PEX1: variants seen among roughly 807,000 people sequenced by gnomAD.
PEX1 encodes peroxisomal ATPase PEX1.
Under a neutral mutation model 152.5 loss-of-function variants are expected in PEX1, and 97 were observed. That is an observed-to-expected ratio of 0.64 (90% CI 0.54 to 0.75). The LOEUF is 0.75. Ranked by LOEUF, PEX1 falls within the 30% of genes least tolerant of loss-of-function variation. The pLI is 0.00. For missense variants in PEX1, 1,357 were observed against 1,516.3 expected (o/e 0.89, Z 1.74); for synonymous variants, 485 against 531.6 (o/e 0.91, Z 1.21).
chr7:92,515,075 A>C (rs558458970), intron 5 of PEX1, among the ~76,000 whole-genome samples: 373 of 1,108 alleles, frequency 0.34, 9 homozygotes, highest in Non-Finnish European at 0.36. Context: ...ATCTATATAT[A>C]TATATATATA....
intron 9 of PEX1, 43 bp downstream of exon 9, chr7:92,509,286 T>C (rs1412487703): frequency 1.5e-6 from 2 of 1,327,906 alleles, no homozygotes; most frequent in Non-Finnish European, 1.1e-6. Flanking sequence ...AGATATAGTG[T>C]TAAAAACATG....
At chr7:92,523,342 G>A (rs1487483828) in intron 1 of PEX1, among the ~76,000 whole-genome samples, 1 of 148,056 alleles carries the variant, frequency 6.8e-6, no homozygotes, top group Non-Finnish European at 1.5e-5. Flanking sequence ...TTTTTTTTGA[G>A]ACAGGATTTT....
In PEX1 at chr7:92,492,952, C is replaced by G. The variant is rs267608181; in HGVS notation, c.3207+1G>C. 1 of 1,611,346 alleles carries G rather than the reference C, an allele frequency of 6.2e-7. No individual in the cohort carries two copies. Among genetic ancestry groups the G allele is most frequent in the South Asian group, 1.1e-5 (1 of 91,024 alleles). ...CATAACAACTTCCTCATATAACTTG[C>G]CTGGAGTCCACTCGAGAGCAGCATT... On this transcript the variant is annotated splice_donor_variant, in intron 20 of 23. Coordinates refer to ENST00000248633, the MANE Select transcript of PEX1 (RefSeq NM_000466.3). LOFTEE classifies it high-confidence loss of function.
At chr7:92,512,056 A>G (rs1318563106) in intron 6 of PEX1, among the ~76,000 whole-genome samples, 1 of 152,232 alleles carries the variant, frequency 6.6e-6, no homozygotes, top group African/African-American at 2.4e-5. Flanking sequence ...TCTTTGAGAC[A>G]GAATCTCGCT....
chr7:92,512,356 T>C (rs1181254502), intron 6 of PEX1, among the ~76,000 whole-genome samples: 9 of 152,124 alleles, frequency 5.9e-5, no homozygotes, highest in Non-Finnish European at 1.3e-4. Flanking sequence ...TTTTGAGATA[T>C]TGCCTAGGCT....
chr7:92,506,606 T>G, intron 10 of PEX1: 2 of 522,676 alleles, frequency 3.8e-6, no homozygotes, highest in East Asian at 6.9e-5. Flanking sequence ...AACAGAACAT[T>G]AGCAGATAAA....
intron 21 of PEX1, 67 bp downstream of exon 21, chr7:92,491,205 A>C: frequency 9.1e-7 from 1 of 1,093,428 alleles, no homozygotes; most frequent in Non-Finnish European, 1.4e-6. Flanking sequence ...GAGAGAAATC[A>C]CTGCAACTTT....
In PEX1 at chr7:92,510,460, C is replaced by T. The variant is rs569505575; in HGVS notation, c.1587+484G>A. Among the ~76,000 whole-genome samples, 7 of 150,762 alleles carry T rather than the reference C, an allele frequency of 4.6e-5. No individual in the cohort carries two copies. In the East Asian group the frequency reaches 9.7e-4, roughly 21 times the overall value. ...CAGCCTGGGCGACAAAGTGAGACAC[C>T]GTCTTTTAAAAAAAAAAAATAATAA... On this transcript the variant is annotated intron_variant, in intron 8 of 23. Coordinates refer to ENST00000248633, the MANE Select transcript of PEX1 (RefSeq NM_000466.3).
intron 7 of PEX1, 115 bp from the exon 8 acceptor site, chr7:92,511,162 C>A: frequency 1.6e-6 from 1 of 637,264 alleles, no homozygotes; most frequent in Non-Finnish European, 2.8e-6. Flanking sequence ...TTCCCCCCAA[C>A]AGGGTCTCAC....
chr7:92,496,132 T>A (rs77634815), intron 17 of PEX1, among the ~76,000 whole-genome samples: 7,376 of 152,194 alleles, frequency 0.048, 226 homozygotes, highest in African/African-American at 0.081. Flanking sequence ...AAGCTGCATA[T>A]GTATTTTATG....
chr7:92,498,068 GA>G (rs781116048), intron 16 of PEX1, among the ~76,000 whole-genome samples: 632 of 51,000 alleles, frequency 0.012, 3 homozygotes, highest in Non-Finnish European at 0.017. Context: ...CAGTCTCAGA[GA>G]AAAAAAAAAA....
chr7:92,487,638 T>A, intron 23 of PEX1, 97 bp from the exon 24 acceptor site: 1 of 546,454 alleles, frequency 1.8e-6, no homozygotes, highest in Admixed American at 3.2e-5. Flanking sequence ...TTTTAAGAAA[T>A]GAACGGGAAA....
intron 6 of PEX1, among the ~76,000 whole-genome samples, chr7:92,512,386 A>G (rs887374945): frequency 3.9e-5 from 6 of 152,118 alleles, no homozygotes; most frequent in Admixed American, 3.9e-4. Context: ...TGGCACAATC[A>G]TAGCTCACTG....
intron 5 of PEX1, 100 bp downstream of exon 5, chr7:92,517,176 A>T: frequency 1.0e-6 from 1 of 993,086 alleles, no homozygotes; most frequent in Non-Finnish European, 1.6e-6. Flanking sequence ...GTTTCTTTTT[A>T]ATTGATTTTC....
chr7:92,499,858 AAT>A lies in PEX1; in HGVS notation c.2584-22_2584-21del. On this transcript the variant is annotated intron_variant, in intron 15 of 23. Coordinates refer to ENST00000248633, the MANE Select transcript of PEX1 (RefSeq NM_000466.3). Reference sequence around the variant, plus strand: ...TGGATACTGAGAAACAAAAAAAAAAAATATGAAAAAGAGCTCAAGTCTAAACA... The same window carrying A: ...TGGATACTGAGAAACAAAAAAAAAAAATGAAAAAGAGCTCAAGTCTAAACA... 1.3e-6 allele frequency: 2 copies of A among 1,567,004 alleles called. No individual in the cohort carries two copies. Among genetic ancestry groups the A allele is most frequent in the Admixed American group, 3.4e-5 (2 of 59,454 alleles).
intron 2 of PEX1, 48 bp downstream of exon 2, chr7:92,522,054 T>C (rs1457040638): frequency 6.4e-7 from 1 of 1,567,734 alleles, no homozygotes; most frequent in East Asian, 2.2e-5. Context: ...TTTCTATTGC[T>C]ATATTATGTG....
intron 2 of PEX1, among the ~76,000 whole-genome samples, chr7:92,519,571 AT>A (rs1325579368): frequency 1.3e-5 from 2 of 152,246 alleles, no homozygotes; most frequent in Non-Finnish European, 1.5e-5. Context: ...TAAGTAAAAA[AT>A]ATAAGAAGAA....
intron 3 of PEX1, 158 bp downstream of exon 3, chr7:92,518,837 T>C: frequency 1.5e-6 from 1 of 662,108 alleles, no homozygotes; most frequent in Non-Finnish European, 2.7e-6. Context: ...CCCAAAGTGC[T>C]GGGACTATAG....
intron 20 of PEX1, 108 bp from the exon 21 acceptor site, chr7:92,491,610 A>C: frequency 2.8e-6 from 2 of 710,360 alleles, no homozygotes; most frequent in Non-Finnish European, 4.9e-6. Flanking sequence ...GAAACTTAGA[A>C]GCATTTTTCA....
Sources: gnomAD v4.1 joint callset for allele counts (sites outside exome capture counted in the v4.1 genomes callset) on GRCh38, gnomAD v4.1.1 for gene constraint, MANE v1.5 for transcripts, NCBI Gene and HGNC (gene_info 2026-07-23, HGNC 2026-07-21) for gene names.